The following TMEM163 variants were observed in gnomAD, a reference collection of about 807,000 sequenced individuals.
The protein encoded by TMEM163 is transmembrane protein 163.
Under a neutral mutation model 29.3 loss-of-function variants are expected in TMEM163, and 17 were observed. That is an observed-to-expected ratio of 0.58 (90% confidence interval 0.40 to 0.87). TMEM163 has a LOEUF of 0.87. TMEM163 is among the 40% of genes least tolerant of loss of function. The pLI is 0.00. For missense variants in TMEM163, 303 were observed against 381.5 expected (o/e 0.79, Z 1.71); for synonymous variants, 157 against 160.6 (o/e 0.98, Z 0.17).
intron 2 of TMEM163, among the ~76,000 whole-genome samples, chr2:134,591,306 G>T (rs1394212937): frequency 6.6e-6 from 1 of 152,142 alleles, no homozygotes; most frequent in Non-Finnish European, 1.5e-5. Context: ...AGAGACTGCT[G>T]CATTGTGGTG....
chr2:134,543,895 G>A (rs541203931), intron 4 of TMEM163, among the ~76,000 whole-genome samples: 1 of 152,302 alleles, frequency 6.6e-6, no homozygotes, highest in South Asian at 2.1e-4. Context: ...ATGTGCTGCT[G>A]AGCAGAACAC....
intron 2 of TMEM163, among the ~76,000 whole-genome samples, chr2:134,677,143 C>G (rs954391421): frequency 6.6e-6 from 1 of 152,182 alleles, no homozygotes; most frequent in African/African-American, 2.4e-5. Flanking sequence ...CTGCTCTTCT[C>G]GCTTCCTTCC....
chr2:134,456,700 C>T lies in TMEM163; in HGVS notation c.*16G>A, dbSNP rs148488177. ...AACTCCTCATCTCGATGGTCTCATG[C>T]GGATGCTGGCCCCCTTCACTCAAAC... On this transcript the variant is annotated 3_prime_UTR_variant, in exon 8 of 8. Transcript: ENST00000281924. 1.6e-4 allele frequency: 262 copies of T among 1,613,654 alleles called. No individual in the cohort carries two copies. Among genetic ancestry groups the T allele is most frequent in the East Asian group, 1.6e-3 (70 of 44,880 alleles).
intron 2 of TMEM163, among the ~76,000 whole-genome samples, chr2:134,594,882 TA>T (rs1682031626): frequency 6.9e-6 from 1 of 143,950 alleles, no homozygotes; most frequent in Non-Finnish European, 1.5e-5. Flanking sequence ...TCTCTCTCTC[TA>T]CTTCTCTCTC....
At chr2:134,505,345 C>T (rs150843144) in intron 4 of TMEM163, among the ~76,000 whole-genome samples, 215 of 151,286 alleles carry the variant, frequency 1.4e-3, no homozygotes, top group Admixed American at 3.3e-3. Context: ...TTAAAAGCTC[C>T]GCAGGCAATT....
At chr2:134,713,415 A>T in intron 1 of TMEM163, 96 bp from the exon 2 acceptor site, 2 of 1,552,472 alleles carry the variant, frequency 1.3e-6, no homozygotes. Flanking sequence ...GCAAACTAAC[A>T]GCCCGTGGGC....
Position 134,599,191 on chromosome 2 carries a change from G to A in TMEM163, c.323-47100C>T, listed in dbSNP as rs963804893. ...ACTGGAATTGGAGGCTACACACTCTGCATATGGTTCATGACAAGAAGTTCA... is the reference window on the plus strand; with the variant it reads ...ACTGGAATTGGAGGCTACACACTCTACATATGGTTCATGACAAGAAGTTCA... On this transcript the variant is annotated intron_variant, in intron 2 of 7. Transcript: ENST00000281924. Among the ~76,000 whole-genome samples the A allele has an allele frequency of 3.4e-4, 51 of 152,236 alleles. 1 individual carries two copies. Among genetic ancestry groups the A allele is most frequent in the African/African-American group, 1.2e-3 (51 of 41,546 alleles).
At chr2:134,493,281 G>T (rs72483789) in intron 5 of TMEM163, among the ~76,000 whole-genome samples, 2 of 149,074 alleles carry the variant, frequency 1.3e-5, no homozygotes, top group African/African-American at 5.0e-5. Flanking sequence ...CATTTTCTTA[G>T]TGGTGTCTTG....
chr2:134,517,502 G>T (rs141189994), intron 4 of TMEM163, among the ~76,000 whole-genome samples: 185 of 152,214 alleles, frequency 1.2e-3, no homozygotes, highest in African/African-American at 4.3e-3. Context: ...TTCTTTATCT[G>T]GGTGTTTGTC....
At chr2:134,605,969 CT>C (rs373437102) in intron 2 of TMEM163, among the ~76,000 whole-genome samples, 104 of 152,230 alleles carry the variant, frequency 6.8e-4, no homozygotes, top group African/African-American at 2.4e-3. Context: ...AGAAGTCCCC[CT>C]GGGGGTGATT....
intron 4 of TMEM163, among the ~76,000 whole-genome samples, chr2:134,520,434 G>A (rs1680168295): frequency 6.6e-6 from 1 of 152,194 alleles, no homozygotes; most frequent in Admixed American, 6.5e-5. Flanking sequence ...CAGCAACCTA[G>A]CAGGGTATGA....
At chr2:134,632,923 T>C (rs1683002827) in intron 2 of TMEM163, among the ~76,000 whole-genome samples, 1 of 148,756 alleles carries the variant, frequency 6.7e-6, no homozygotes, top group Non-Finnish European at 1.5e-5. Flanking sequence ...TTTTTTTTTT[T>C]TTTTTTTTGT....
At chr2:134,656,353 C>T (rs959430339) in intron 2 of TMEM163, among the ~76,000 whole-genome samples, 17 of 151,842 alleles carry the variant, frequency 1.1e-4, no homozygotes, top group African/African-American at 4.1e-4. Context: ...GGAAAGGGAA[C>T]TCCCTGACCC....
chr2:134,617,698 AT>A (rs1349285212), intron 2 of TMEM163, among the ~76,000 whole-genome samples: 5 of 152,240 alleles, frequency 3.3e-5, no homozygotes. Context: ...AACAAAAAAA[AT>A]GAGACATAGA....
At chr2:134,530,216 G>A (rs1477309307) in intron 4 of TMEM163, among the ~76,000 whole-genome samples, 1 of 152,136 alleles carries the variant, frequency 6.6e-6, no homozygotes, top group Non-Finnish European at 1.5e-5. Context: ...GATGCCCTCT[G>A]ATTCTACTCT....
intron 5 of TMEM163, among the ~76,000 whole-genome samples, chr2:134,483,701 G>A (rs524963): frequency 1.3e-5 from 2 of 151,984 alleles, no homozygotes; most frequent in Non-Finnish European, 2.9e-5. Flanking sequence ...GCATTCAAGC[G>A]CCCATCTGTC....
At chr2:134,586,945 G>A (rs1463615563) in intron 2 of TMEM163, among the ~76,000 whole-genome samples, 1 of 152,156 alleles carries the variant, frequency 6.6e-6, no homozygotes, top group Non-Finnish European at 1.5e-5. Context: ...TGTAGACAGA[G>A]TACACTTCCT....
intron 4 of TMEM163, among the ~76,000 whole-genome samples, chr2:134,510,128 G>A (rs781537278): frequency 2.1e-4 from 32 of 152,024 alleles, no homozygotes; most frequent in African/African-American, 4.8e-4. Flanking sequence ...GATCTTAGAC[G>A]GCATACAGAC....
chr2:134,473,104 T>C (rs1472013253), intron 5 of TMEM163, among the ~76,000 whole-genome samples: 2 of 152,222 alleles, frequency 1.3e-5, no homozygotes, highest in African/African-American at 2.4e-5. Flanking sequence ...GGAAAATTTA[T>C]AGTAAATAAT....
Sources: gnomAD v4.1 joint callset for allele counts (sites outside exome capture counted in the v4.1 genomes callset) on GRCh38, gnomAD v4.1.1 for gene constraint, MANE v1.5 for transcripts, NCBI Gene and HGNC (gene_info 2026-07-23, HGNC 2026-07-21) for gene names.